Variants in SYT1 observed in about 807,000 individuals in gnomAD.
SYT1 encodes the protein synaptotagmin 1, also known as synaptotagmin-1.
In SYT1, 8 loss-of-function variants were observed where a neutral mutation model predicts 44.8. That is an observed-to-expected ratio of 0.18 (90% CI 0.10 to 0.32). The LOEUF (loss-of-function observed/expected upper bound fraction) is 0.32. Ranked by LOEUF, SYT1 falls within the 10% of genes least tolerant of loss-of-function variation. The probability of loss-of-function intolerance (pLI) is 1.00; values close to 1 mark genes in which losing one functional copy is unlikely to be tolerated. For missense variants in SYT1, 286 were observed against 509.3 expected, an observed-to-expected ratio of 0.56 and a Z score of 4.22; for synonymous variants, 154 against 188.8, an observed-to-expected ratio of 0.82 and a Z score of 1.51.
chr12:78,956,598 A>G (rs926010293), intron 1 of SYT1, among the ~76,000 whole-genome samples: 2 of 151,182 alleles, frequency 1.3e-5, no homozygotes. Context: ...AAAAAAAAAA[A>G]GTGTTTATTG....
chr12:79,350,159 C>A (rs1353779342), intron 8 of SYT1, among the ~76,000 whole-genome samples: 1 of 151,884 alleles, frequency 6.6e-6, no homozygotes, highest in Non-Finnish European at 1.5e-5. Context: ...TAGAACACAC[C>A]TTGTGGGGAT....
At position 79,217,495 on chromosome 12, in the gene SYT1, C is replaced by A; in HGVS notation, c.-17-8C>A. The A allele has an allele frequency of 6.4e-7, 1 of 1,561,546 alleles. No homozygotes were observed. Among genetic ancestry groups the A allele is most frequent in the Non-Finnish European group, 8.6e-7 (1 of 1,158,142 alleles). ...AATTGTTCTGTCTTTGCTTCCCTCC[C>A]CTCACAGCTTCACCTGAACCTAAAA... On this transcript the variant is annotated splice_region_variant and splice_polypyrimidine_tract_variant and intron_variant, in intron 3 of 10. Coordinates refer to ENST00000261205, the MANE Select transcript of SYT1 (RefSeq NM_005639.3).
chr12:79,001,878 G>GC (rs1870762664), intron 2 of SYT1, among the ~76,000 whole-genome samples: 1 of 150,740 alleles, frequency 6.6e-6, no homozygotes, highest in African/African-American at 2.4e-5. Context: ...AGATAAACTA[G>GC]TGTTTTTTTT....
intron 3 of SYT1, among the ~76,000 whole-genome samples, chr12:79,176,842 G>A (rs894202711): frequency 1.3e-5 from 2 of 151,742 alleles, no homozygotes; most frequent in African/African-American, 4.8e-5. Flanking sequence ...ACAACCCTAC[G>A]TAGTTTACAA....
intron 4 of SYT1, among the ~76,000 whole-genome samples, chr12:79,253,594 A>G (rs1212293662): frequency 2.0e-5 from 3 of 151,506 alleles, no homozygotes; most frequent in Non-Finnish European, 4.4e-5. Flanking sequence ...TAATCCTGCA[A>G]TGACCTCTAA....
At chr12:79,205,066 G>A (rs1174189076) in intron 3 of SYT1, among the ~76,000 whole-genome samples, 3 of 149,410 alleles carry the variant, frequency 2.0e-5, no homozygotes, top group Non-Finnish European at 4.4e-5. Context: ...CCGAGTTCAC[G>A]CCATTCTCCT....
At chr12:79,403,518 T>G (rs1997182) in intron 9 of SYT1, among the ~76,000 whole-genome samples, 1 of 152,118 alleles carries the variant, frequency 6.6e-6, no homozygotes, top group African/African-American at 2.4e-5. Flanking sequence ...ATTTAATTAC[T>G]TCTTTAAAGA....
chr12:79,276,953 A>AAGGAGGAGGAGGAGGAGG lies in SYT1; in HGVS notation c.167-8832_167-8815dup, dbSNP rs921385803. ...AGGAAGGAGAAGAAGAAGAAGGAAG[A>AAGGAGGAGGAGGAGGAGG]AGGAGGAGGAGGAGGAGGAAGAGGA... On this transcript the variant is annotated intron_variant, in intron 4 of 10. Coordinates refer to ENST00000261205, the MANE Select transcript of SYT1 (RefSeq NM_005639.3). Among the ~76,000 whole-genome samples the AAGGAGGAGGAGGAGGAGG allele has an allele frequency of 6.9e-5, 10 of 144,110 alleles. No homozygotes were observed. The East Asian group carries it at 2.0e-3, about 28-fold the overall frequency. 94.5% of individuals were successfully genotyped at this position (144,110 alleles called of 152,430 possible). A position where few individuals can be genotyped will look rare whatever the true frequency, so the allele number is the denominator to read the frequency against.
chr12:79,220,128 C>A (rs1004600943), intron 4 of SYT1, among the ~76,000 whole-genome samples: 6 of 151,992 alleles, frequency 3.9e-5, no homozygotes, highest in African/African-American at 1.4e-4. Flanking sequence ...TACTCTATTT[C>A]TTCATAATTC....
At chr12:78,884,448 AC>A (rs1195601733) in intron 1 of SYT1, among the ~76,000 whole-genome samples, 2 of 143,736 alleles carry the variant, frequency 1.4e-5, no homozygotes, top group East Asian at 4.2e-4. Context: ...GATGACAGTA[AC>A]AATGAACATA....
intron 9 of SYT1, among the ~76,000 whole-genome samples, chr12:79,358,379 T>C (rs1883192099): frequency 6.6e-6 from 1 of 152,194 alleles, no homozygotes; most frequent in Non-Finnish European, 1.5e-5. Flanking sequence ...ACATTATCAG[T>C]TATAGAACAC....
intron 1 of SYT1, among the ~76,000 whole-genome samples, chr12:78,922,817 A>T (rs1271994254): frequency 1.3e-5 from 2 of 151,974 alleles, no homozygotes; most frequent in African/African-American, 4.8e-5. Flanking sequence ...ACTTTATTTC[A>T]TTCATTTAGT....
intron 9 of SYT1, among the ~76,000 whole-genome samples, chr12:79,398,185 T>C (rs918520369): frequency 2.0e-5 from 3 of 152,338 alleles, no homozygotes; most frequent in Admixed American, 6.5e-5. Context: ...GGGCTCTTGC[T>C]GTAACATAGG....
chr12:79,085,398 A>G (rs1351419229), intron 3 of SYT1, among the ~76,000 whole-genome samples: 1 of 152,078 alleles, frequency 6.6e-6, no homozygotes, highest in African/African-American at 2.4e-5. Context: ...AATGACTCTT[A>G]TGCTTGAAAA....
At chr12:79,272,493 G>A (rs1192537549) in intron 4 of SYT1, among the ~76,000 whole-genome samples, 2 of 152,164 alleles carry the variant, frequency 1.3e-5, no homozygotes, top group Admixed American at 6.5e-5. Context: ...TTGGGAGTAT[G>A]TATTTCCCCA....
intron 9 of SYT1, among the ~76,000 whole-genome samples, chr12:79,380,336 G>A (rs1195562306): frequency 6.6e-6 from 1 of 152,172 alleles, no homozygotes; most frequent in African/African-American, 2.4e-5. Flanking sequence ...CACATTCATT[G>A]CCATTTATAC....
At chr12:79,198,371 A>T (rs930021847) in intron 3 of SYT1, among the ~76,000 whole-genome samples, 3 of 152,162 alleles carry the variant, frequency 2.0e-5, no homozygotes, top group African/African-American at 7.2e-5. Context: ...TCTTGCTAAT[A>T]TTCTAATTTC....
At chr12:79,234,356 A>G (rs1222344106) in intron 4 of SYT1, among the ~76,000 whole-genome samples, 1 of 152,218 alleles carries the variant, frequency 6.6e-6, no homozygotes. Context: ...TTTTAGTCAT[A>G]TACAAGCAAT....
chr12:79,153,722 A>G (rs1240948235), intron 3 of SYT1, among the ~76,000 whole-genome samples: 1 of 152,086 alleles, frequency 6.6e-6, no homozygotes, highest in Non-Finnish European at 1.5e-5. Context: ...TGTCATCACT[A>G]TTTCTTCAGA....
Sources: allele counts gnomAD v4.1 joint callset (sites outside exome capture counted in the v4.1 genomes callset), GRCh38; gene constraint gnomAD v4.1.1; transcripts MANE v1.5; gene names NCBI Gene and HGNC (gene_info 2026-07-23, HGNC 2026-07-21).